The following COG5 variants were observed in gnomAD, a reference collection of about 807,000 sequenced individuals.
COG5 encodes the protein conserved oligomeric Golgi complex subunit 5.
In COG5, 86 loss-of-function variants were observed where a neutral mutation model predicts 110.4. That is an observed-to-expected ratio of 0.78 (90% CI 0.65 to 0.93). The LOEUF (loss-of-function observed/expected upper bound fraction) is 0.93. COG5 is among the 40% of genes least tolerant of loss of function. The probability of loss-of-function intolerance (pLI) is 0.00; values close to 1 mark genes in which losing one functional copy is unlikely to be tolerated. For synonymous variants in COG5, 360 were observed against 334.6 expected (o/e 1.08, Z -0.83); for missense variants, 1,077 against 987.0 (o/e 1.09, Z -1.22).
chr7:107,437,976 CAA>C (rs1255659765), intron 6 of COG5, among the ~76,000 whole-genome samples: 1 of 152,102 alleles, frequency 6.6e-6, no homozygotes, highest in Non-Finnish European at 1.5e-5. Flanking sequence ...TCCAATCTGT[CAA>C]AGACTTATGG....
rs78262428 is a variant in COG5, at chr7:107,400,296, G to A, written c.669+12206C>T. Among the ~76,000 whole-genome samples the A allele has an allele frequency of 2.8e-4, 42 of 151,332 alleles. No individual in the cohort carries two copies. The East Asian group carries it at 7.7e-3, about 28-fold the overall frequency. On this transcript the variant is annotated intron_variant, in intron 7 of 21. Transcript: ENST00000297135. ...GTTGAATGTATAAAGCCAGATAAGA[G>A]GAAGAGCACACTGTATAACTCTAAT...
intron 5 of COG5, among the ~76,000 whole-genome samples, chr7:107,544,046 C>T (rs1390951775): frequency 6.6e-6 from 1 of 152,140 alleles, no homozygotes; most frequent in Non-Finnish European, 1.5e-5. Flanking sequence ...TAGGAAGACC[C>T]TCATGGCTCC....
intron 6 of COG5, among the ~76,000 whole-genome samples, chr7:107,464,072 A>T (rs1330723663): frequency 1.3e-5 from 2 of 152,124 alleles, no homozygotes; most frequent in Admixed American, 6.6e-5. Context: ...TTTTATCTTA[A>T]GCAGCTGAGG....
At chr7:107,475,188 G>A (rs1435058893) in intron 6 of COG5, 5 of 1,610,724 alleles carry the variant, frequency 3.1e-6, no homozygotes, top group Middle Eastern at 1.7e-4. Context: ...AATTTCAAAA[G>A]GTCTTGAAAA....
intron 14 of COG5, among the ~76,000 whole-genome samples, chr7:107,271,748 A>G (rs1486754739): frequency 2.8e-4 from 42 of 151,932 alleles, no homozygotes; most frequent in Admixed American, 2.8e-3. Context: ...TTTCTGCCTC[A>G]TCTTTATTAT....
At chr7:107,520,399 A>C (rs796180501) in intron 6 of COG5, among the ~76,000 whole-genome samples, 15 of 152,294 alleles carry the variant, frequency 9.8e-5, no homozygotes, top group African/African-American at 3.6e-4. Flanking sequence ...AAAACCCCAT[A>C]GTCTCAGCCC....
At chr7:107,517,948 G>A (rs966011984) in intron 6 of COG5, among the ~76,000 whole-genome samples, 9 of 151,974 alleles carry the variant, frequency 5.9e-5, no homozygotes, top group African/African-American at 2.2e-4. Flanking sequence ...TGCCCGCCTC[G>A]GCGTCCCAAA....
intron 10 of COG5, among the ~76,000 whole-genome samples, chr7:107,330,533 C>T (rs1810147734): frequency 6.6e-6 from 1 of 152,104 alleles, no homozygotes; most frequent in South Asian, 2.1e-4. Context: ...CTTTATAACA[C>T]CAAATTGACC....
intron 8 of COG5, among the ~76,000 whole-genome samples, chr7:107,369,786 A>G (rs550792350): frequency 2.0e-4 from 31 of 152,332 alleles, no homozygotes; most frequent in Admixed American, 7.2e-4. Flanking sequence ...CACCTTAGAG[A>G]TAAAATTGAT....
At chr7:107,560,611 A>G (rs533875975) in intron 1 of COG5, among the ~76,000 whole-genome samples, 4 of 152,244 alleles carry the variant, frequency 2.6e-5, no homozygotes, top group Non-Finnish European at 5.9e-5. Flanking sequence ...CATTTACCTA[A>G]CAACATAGTA....
intron 7 of COG5, among the ~76,000 whole-genome samples, chr7:107,375,885 C>T (rs1034041822): frequency 1.3e-5 from 2 of 151,778 alleles, no homozygotes; most frequent in African/African-American, 4.8e-5. Context: ...ATAAGTGTTC[C>T]CCACCCCACA....
intron 10 of COG5, among the ~76,000 whole-genome samples, chr7:107,349,557 T>C (rs1214632768): frequency 6.8e-6 from 1 of 147,748 alleles, no homozygotes; most frequent in Non-Finnish European, 1.5e-5. Context: ...CGTGCCATCA[T>C]GCTTGGCTTT....
intron 10 of COG5, among the ~76,000 whole-genome samples, chr7:107,351,861 T>C (rs2129041689): frequency 6.7e-6 from 1 of 150,020 alleles, no homozygotes; most frequent in Non-Finnish European, 1.5e-5. Flanking sequence ...ACACTGTTGG[T>C]GGGACTGTAA....
At chr7:107,459,364 T>TTTA (rs200217593) in intron 6 of COG5, among the ~76,000 whole-genome samples, 2,173 of 152,168 alleles carry the variant, frequency 0.014, 50 homozygotes, top group African/African-American at 0.051. Flanking sequence ...CAATCCTAAA[T>TTTA]GTGCATGCAC....
At chr7:107,458,587 G>A (rs1225271576) in intron 6 of COG5, among the ~76,000 whole-genome samples, 1 of 152,182 alleles carries the variant, frequency 6.6e-6, no homozygotes, top group African/African-American at 2.4e-5. Flanking sequence ...AGGTGCAGTG[G>A]CTCACATGTG....
intron 10 of COG5, among the ~76,000 whole-genome samples, chr7:107,345,292 C>T (rs188986098): frequency 3.4e-4 from 52 of 151,960 alleles, no homozygotes; most frequent in Admixed American, 1.8e-3. Context: ...TGAAATATTG[C>T]GACAATATTA....
At chr7:107,434,822 T>C (rs1359268095) in intron 6 of COG5, among the ~76,000 whole-genome samples, 13 of 151,818 alleles carry the variant, frequency 8.6e-5, no homozygotes, top group Admixed American at 8.5e-4. Flanking sequence ...TACAAAAAAT[T>C]AGTTGGATGT....
chr7:107,273,968 G>A (rs1320224886), intron 14 of COG5, among the ~76,000 whole-genome samples: 2 of 152,082 alleles, frequency 1.3e-5, no homozygotes, highest in African/African-American at 4.8e-5. Flanking sequence ...ATAGGAAAAA[G>A]TCTTTTGATT....
At chr7:107,384,006 CT>C (rs1815350494) in intron 7 of COG5, among the ~76,000 whole-genome samples, 1 of 152,192 alleles carries the variant, frequency 6.6e-6, no homozygotes, top group African/African-American at 2.4e-5. Context: ...CTCCCTCTCC[CT>C]GTGCAAACTG....
Sources: gnomAD v4.1 joint callset for allele counts (sites outside exome capture counted in the v4.1 genomes callset) on GRCh38, gnomAD v4.1.1 for gene constraint, MANE v1.5 for transcripts, NCBI Gene and HGNC (gene_info 2026-07-23, HGNC 2026-07-21) for gene names.